The following IRAG2 variants were observed in gnomAD, a reference collection of about 807,000 sequenced individuals.
The protein encoded by IRAG2 is inositol 1,4,5-triphosphate receptor associated 2.
A neutral mutation model predicts 69.9 loss-of-function variants in IRAG2; 45 were observed. That is an observed-to-expected ratio of 0.64 (90% CI 0.51 to 0.83). IRAG2 has a LOEUF of 0.83. Ranked by LOEUF, IRAG2 falls within the 40% of genes least tolerant of loss-of-function variation. The pLI is 0.00. For missense variants in IRAG2, 520 were observed against 587.0 expected, an observed-to-expected ratio of 0.89 and a Z score of 1.18; for synonymous variants, 193 against 202.4, an observed-to-expected ratio of 0.95 and a Z score of 0.40.
chr12:25,057,781 C>T (rs567392051), intron 1 of IRAG2, among the ~76,000 whole-genome samples: 5 of 152,170 alleles, frequency 3.3e-5, no homozygotes, highest in East Asian at 1.9e-4. Flanking sequence ...GTCAATGCCC[C>T]GCCTCCACCT....
At chr12:25,058,647 T>G (rs1341353430) in intron 1 of IRAG2, among the ~76,000 whole-genome samples, 1 of 152,206 alleles carries the variant, frequency 6.6e-6, no homozygotes, top group Admixed American at 6.5e-5. Flanking sequence ...ATGTTATAAT[T>G]TTCATTTTCA....
At chr12:25,059,293 C>T (rs1057385810) in intron 1 of IRAG2, among the ~76,000 whole-genome samples, 3 of 152,054 alleles carry the variant, frequency 2.0e-5, no homozygotes, top group African/African-American at 7.2e-5. Context: ...TCATCTTTAC[C>T]AGGGTCCTAA....
chr12:25,082,505 G>A (rs1178372816), intron 9 of IRAG2, among the ~76,000 whole-genome samples: 1 of 151,866 alleles, frequency 6.6e-6, no homozygotes, highest in African/African-American at 2.4e-5. Flanking sequence ...GAGGCTGAGG[G>A]GGTAGGATCA....
intron 3 of IRAG2, chr12:25,015,089 A>AAAAAAAAAAAAAAAAAAAAAAAAAAAAG (rs1944512826): frequency 2.5e-5 from 1 of 39,690 alleles, no homozygotes; most frequent in Non-Finnish European, 3.3e-5. Context: ...CATAAATCTG[A>AAAAAAAAAAAAAAAAAAAAAAAAAAAAG]AAAAAAAAAA....
At chr12:25,011,472 G>C in exon 3 of IRAG2, 2 of 1,231,664 alleles carry the variant, frequency 1.6e-6, no homozygotes, top group Non-Finnish European at 2.0e-6. Flanking sequence ...GCTTGATCCT[G>C]AGAAGAGAGA....
chr12:25,009,793 G>T (rs1336941516), intron 2 of IRAG2, among the ~76,000 whole-genome samples: 1 of 98,726 alleles, frequency 1.0e-5, no homozygotes. Flanking sequence ...TTCAATTCAA[G>T]TCTAGAAGCA....
At chr12:25,051,761 C>A (rs1290134028), upstream of IRAG2, among the ~76,000 whole-genome samples, 1 of 152,188 alleles carries the variant, frequency 6.6e-6, no homozygotes, top group Admixed American at 6.5e-5. Context: ...TGATTGACAA[C>A]CCTTAAGGAG....
intron 10 of IRAG2, among the ~76,000 whole-genome samples, chr12:25,084,501 A>G (rs1947439208): frequency 6.6e-6 from 1 of 151,354 alleles, no homozygotes; most frequent in South Asian, 2.1e-4. Flanking sequence ...GGTCTTGCTT[A>G]TGTCTTGCTT....
intron 6 of IRAG2, among the ~76,000 whole-genome samples, chr12:25,017,555 T>A (rs1434943720): frequency 6.6e-6 from 1 of 152,012 alleles, no homozygotes; most frequent in African/African-American, 2.4e-5. Context: ...CCATCCCTAC[T>A]GAAAATACAA....
upstream of IRAG2, among the ~76,000 whole-genome samples, chr12:24,999,869 C>A (rs928199952): frequency 6.7e-6 from 1 of 149,624 alleles, no homozygotes; most frequent in Non-Finnish European, 1.5e-5. Context: ...TTCAAATAAA[C>A]AACAAATAAT....
chr12:25,067,025 C>T (rs1184920946), intron 5 of IRAG2, among the ~76,000 whole-genome samples: 1 of 152,114 alleles, frequency 6.6e-6, no homozygotes, highest in Non-Finnish European at 1.5e-5. Flanking sequence ...TCTTGAATTT[C>T]ATAATACCAC....
exon 3 of IRAG2, chr12:25,011,395 T>A: frequency 8.1e-7 from 1 of 1,231,736 alleles, no homozygotes; most frequent in Non-Finnish European, 1.0e-6. Flanking sequence ...GCCAAAATAA[T>A]CAATTTCCTG....
At chr12:25,048,822 T>C (rs1404533764), upstream of IRAG2, among the ~76,000 whole-genome samples, 1 of 152,214 alleles carries the variant, frequency 6.6e-6, no homozygotes, top group Non-Finnish European at 1.5e-5. Context: ...GTGCTTTTGT[T>C]GTGAAATCTT....
intron 3 of IRAG2, among the ~76,000 whole-genome samples, chr12:25,011,704 T>C (rs1168582312): frequency 6.6e-6 from 1 of 152,248 alleles, no homozygotes; most frequent in African/African-American, 2.4e-5. Context: ...ACCTGATTGC[T>C]GGGGTCCCAC....
In IRAG2 at chr12:25,062,357, C is replaced by G. The variant is rs929769386; in HGVS notation, c.-384-463C>G. On this transcript the variant is annotated intron_variant, in intron 2 of 21. Transcript: ENST00000556887. The stretch of plus-strand genomic sequence containing the variant: ...GGCAGAGTGCCTGAAAAGCCCTCTG[C>G]AATAAGTTGAGCTGGAAAAACCTCC... 3.3e-5 allele frequency among the ~76,000 whole-genome samples: 5 copies of G among 152,064 alleles called. No homozygotes were observed. In the East Asian group the frequency reaches 9.6e-4, roughly 29 times the overall value.
chr12:25,043,145 A>G (rs1944764381), intron 16 of IRAG2, among the ~76,000 whole-genome samples: 1 of 152,196 alleles, frequency 6.6e-6, no homozygotes, highest in Non-Finnish European at 1.5e-5. Context: ...ACTAGTTGAG[A>G]GGCTCCTGAA....
At chr12:25,056,835 A>T (rs1012077582) in intron 1 of IRAG2, among the ~76,000 whole-genome samples, 2 of 152,228 alleles carry the variant, frequency 1.3e-5, no homozygotes, top group African/African-American at 4.8e-5. Flanking sequence ...AACAGGCAAC[A>T]GGAACCCTTT....
intron 3 of IRAG2, chr12:25,015,112 A>AAAAAAAAAAAAAAAAAAAAAAAAAG (rs1555125446): frequency 2.8e-6 from 1 of 360,092 alleles, no homozygotes; most frequent in Non-Finnish European, 3.8e-6. Flanking sequence ...AAAAAAAAAA[A>AAAAAAAAAAAAAAAAAAAAAAAAAG]GACAAAACTT....
At chr12:25,031,398 T>C (rs769638132) in intron 10 of IRAG2, among the ~76,000 whole-genome samples, 4 of 152,196 alleles carry the variant, frequency 2.6e-5, no homozygotes, top group Non-Finnish European at 4.4e-5. Context: ...GATCAGGTAC[T>C]CACTACCTGT....
Sources: allele counts gnomAD v4.1 joint callset (sites outside exome capture counted in the v4.1 genomes callset), GRCh38; gene constraint gnomAD v4.1.1; transcripts MANE v1.5; gene names NCBI Gene and HGNC (gene_info 2026-07-23, HGNC 2026-07-21).